Variants in RNF144A observed in about 807,000 individuals in gnomAD.
The protein encoded by RNF144A is ring finger protein 144A.
RNF144A carries 11 observed loss-of-function variants against 38.7 expected under a neutral mutation model. That is an observed-to-expected ratio of 0.28 (90% CI 0.18 to 0.47). The LOEUF (loss-of-function observed/expected upper bound fraction) is 0.47, where lower values mean the gene tolerates loss of function less well. RNF144A is among the 20% of genes least tolerant of loss of function. RNF144A has a pLI of 0.99. For missense variants in RNF144A, 316 were observed against 377.2 expected, an observed-to-expected ratio of 0.84 and a Z score of 1.34; for synonymous variants, 149 against 143.9, an observed-to-expected ratio of 1.04 and a Z score of -0.25.
In RNF144A at chr2:7,022,817, A is replaced by G. The variant is rs1671624127; in HGVS notation, c.510-1552A>G. Among the ~76,000 whole-genome samples the G allele has an allele frequency of 3.9e-5, 6 of 152,336 alleles. No homozygotes were observed. In the South Asian group the frequency reaches 1.2e-3, roughly 32 times the overall value. On this transcript the variant is annotated intron_variant, in intron 6 of 8. Transcript: ENST00000320892. ...TGGATCCCTCTGGAGACATTTGCAC[A>G]TATGCTATCTCGTTTGCTCCTTGCA... is the stretch of plus-strand genomic sequence containing the variant.
intron 1 of RNF144A, among the ~76,000 whole-genome samples, chr2:6,933,977 T>C (rs938240200): frequency 6.6e-6 from 1 of 152,224 alleles, no homozygotes; most frequent in Admixed American, 6.5e-5. Flanking sequence ...TTTGTTTTGT[T>C]TTAACATACG....
At position 7,040,647 on chromosome 2, in the gene RNF144A, C is replaced by G; in HGVS notation, c.*887C>G. 1 of 985,380 alleles carries G rather than the reference C, an allele frequency of 1.0e-6. No homozygotes were observed. The highest frequency in any genetic ancestry group is 1.2e-6 in the Non-Finnish European group (1 of 829,868). 61.0% of individuals were successfully genotyped at this position (985,380 alleles called of 1,614,324 possible). A position where few individuals can be genotyped will look rare whatever the true frequency, so the allele number is the denominator to read the frequency against. ...CACTGCTTTGCTCGGCAATGGTTCT[C>G]CTCCGAATTGCTGCCGTCTGGCCTC... On this transcript the variant is annotated 3_prime_UTR_variant, in exon 9 of 9. Coordinates refer to ENST00000320892, the MANE Select transcript of RNF144A (RefSeq NM_014746.6).
At chr2:7,034,516 C>T (rs1050217002) in intron 8 of RNF144A, among the ~76,000 whole-genome samples, 1 of 152,200 alleles carries the variant, frequency 6.6e-6, no homozygotes, top group Non-Finnish European at 1.5e-5. Context: ...CGGCATCTCC[C>T]CTGCCCTGTC....
Position 7,042,684 on chromosome 2 carries a change from C to A in RNF144A, c.*2924C>A, listed in dbSNP as rs1289631978. On this transcript the variant is annotated 3_prime_UTR_variant, in exon 9 of 9. Coordinates refer to ENST00000320892, the MANE Select transcript of RNF144A (RefSeq NM_014746.6). Reference sequence around the variant, plus strand: ...GCCCAGCCAGATGAGCTTGCAGCCTCATAGGAGGTCAGCACCTTGCAAAGA... The same window carrying A: ...GCCCAGCCAGATGAGCTTGCAGCCTAATAGGAGGTCAGCACCTTGCAAAGA... 1.0e-6 allele frequency: 1 copy of A among 985,364 alleles called. No homozygotes were observed. Among genetic ancestry groups the A allele is most frequent in the Non-Finnish European group, 1.2e-6 (1 of 829,970 alleles). The allele number at this position is 985,364 out of a possible 1,614,324, so 61.0% of individuals were successfully genotyped here.
Position 7,040,299 on chromosome 2 carries a change from C to T in RNF144A, c.*539C>T. 1.0e-6 allele frequency: 1 copy of T among 985,386 alleles called. No homozygotes were observed. The highest frequency in any genetic ancestry group is 4.7e-5 in the South Asian group (1 of 21,286). 61.0% of individuals were successfully genotyped at this position (985,386 alleles called of 1,614,324 possible). On this transcript the variant is annotated 3_prime_UTR_variant, in exon 9 of 9. Transcript: ENST00000320892. ...GAAAATCAACAAGGTGCATATAAACCATCCTATGCCTTTCTTGAAATGTGC... is the reference window on the plus strand; with the variant it reads ...GAAAATCAACAAGGTGCATATAAACTATCCTATGCCTTTCTTGAAATGTGC...
intron 2 of RNF144A, among the ~76,000 whole-genome samples, chr2:6,976,721 T>C (rs180797588): frequency 6.6e-6 from 1 of 151,424 alleles, no homozygotes; most frequent in African/African-American, 2.4e-5. Flanking sequence ...TACTCCTCAC[T>C]CTCATAAGAA....
Position 7,022,370 on chromosome 2 carries a change from A to G in RNF144A, c.509+1690A>G, listed in dbSNP as rs182712373. ...CGTGTAGATTGTGATTAAACTGTCC[A>G]AACTCCTCTCTGCTTTTATAATTTG... is the stretch of plus-strand genomic sequence containing the variant. On this transcript the variant is annotated intron_variant, in intron 6 of 8. Transcript: ENST00000320892. Among the ~76,000 whole-genome samples the G allele has an allele frequency of 5.6e-4, 85 of 152,202 alleles. No homozygotes were observed. In the South Asian group the frequency reaches 6.0e-3, roughly 11 times the overall value.
intron 6 of RNF144A, among the ~76,000 whole-genome samples, chr2:7,057,336 C>T (rs1458494262): frequency 3.9e-5 from 6 of 152,140 alleles, no homozygotes; most frequent in Admixed American, 2.6e-4. Context: ...CCTGAGTGAG[C>T]GCTCTGTGTT....
intron 8 of RNF144A, among the ~76,000 whole-genome samples, chr2:7,032,989 G>A (rs1350867147): frequency 2.0e-5 from 3 of 152,266 alleles, no homozygotes; most frequent in Non-Finnish European, 4.4e-5. Flanking sequence ...CAGCCACCGT[G>A]TGAGTGGATG....
chr2:7,057,182 T>C (rs1186216889), intron 6 of RNF144A, among the ~76,000 whole-genome samples: 1 of 152,238 alleles, frequency 6.6e-6, no homozygotes, highest in Admixed American at 6.5e-5. Flanking sequence ...CTATATACCC[T>C]ATACAACAGA....
intron 7 of RNF144A, among the ~76,000 whole-genome samples, chr2:7,028,994 G>C (rs1378569393): frequency 6.6e-6 from 1 of 152,164 alleles, no homozygotes; most frequent in Non-Finnish European, 1.5e-5. Context: ...CTCAAGGCTG[G>C]TGTCCTCCCC....
At chr2:7,038,834 A>T (rs1672853927) in intron 8 of RNF144A, among the ~76,000 whole-genome samples, 1 of 151,042 alleles carries the variant, frequency 6.6e-6, no homozygotes, top group African/African-American at 2.4e-5. Flanking sequence ...AGGTGGATGA[A>T]TAAAGAGATG....
At chr2:7,029,219 C>T (rs771151700) in intron 7 of RNF144A, among the ~76,000 whole-genome samples, 7 of 152,268 alleles carry the variant, frequency 4.6e-5, no homozygotes, top group Non-Finnish European at 8.8e-5. Flanking sequence ...AGGCTTGCCC[C>T]TCCGTGGCAC....
chr2:7,034,410 C>T (rs114941368), intron 8 of RNF144A, among the ~76,000 whole-genome samples: 60 of 152,320 alleles, frequency 3.9e-4, no homozygotes, highest in Non-Finnish European at 5.3e-4. Context: ...TCCTTAGGAG[C>T]CCCAGCTTTG....
At chr2:6,953,256 G>T (rs965816016) in intron 2 of RNF144A, among the ~76,000 whole-genome samples, 1 of 152,064 alleles carries the variant, frequency 6.6e-6, no homozygotes, top group Admixed American at 6.5e-5. Flanking sequence ...GTGAAACTCC[G>T]TGTCTTCTAA....
At chr2:7,051,885 C>T (rs1031563403) in intron 6 of RNF144A, among the ~76,000 whole-genome samples, 3 of 152,194 alleles carry the variant, frequency 2.0e-5, no homozygotes, top group Admixed American at 6.5e-5. Context: ...CTGCTTCAAC[C>T]TCATGGGATC....
intron 3 of RNF144A, among the ~76,000 whole-genome samples, chr2:7,007,698 G>A (rs561593613): frequency 2.6e-5 from 4 of 152,258 alleles, no homozygotes; most frequent in African/African-American, 9.6e-5. Flanking sequence ...TGTTGGTGCT[G>A]TCTGTGTGCA....
At chr2:6,935,808 A>G (rs951518209) in intron 1 of RNF144A, among the ~76,000 whole-genome samples, 2 of 152,224 alleles carry the variant, frequency 1.3e-5, no homozygotes, top group African/African-American at 4.8e-5. Context: ...TCACGAGCCC[A>G]TGCTTGTTGT....
chr2:7,057,694 T>C (rs575987559), intron 6 of RNF144A, among the ~76,000 whole-genome samples: 2 of 152,338 alleles, frequency 1.3e-5, no homozygotes, highest in East Asian at 3.9e-4. Flanking sequence ...TTACAATGCC[T>C]AACAATCCTG....
Sources: gnomAD v4.1 joint callset for allele counts (sites outside exome capture counted in the v4.1 genomes callset) on GRCh38, gnomAD v4.1.1 for gene constraint, MANE v1.5 for transcripts, NCBI Gene and HGNC (gene_info 2026-07-23, HGNC 2026-07-21) for gene names.